Variants in DNAH6 observed in about 807,000 individuals in gnomAD.
DNAH6 encodes the protein axonemal beta dynein heavy chain 6.
A neutral mutation model predicts 491.4 loss-of-function variants in DNAH6; 340 were observed. The ratio of observed to expected loss-of-function variants is 0.69; its 90% CI spans 0.63 to 0.76. The LOEUF (loss-of-function observed/expected upper bound fraction) is 0.76. Ranked by LOEUF, DNAH6 falls within the 30% of genes least tolerant of loss-of-function variation. DNAH6 has a pLI of 0.00. For missense variants in DNAH6, 4,443 were observed against 4,972.2 expected, an observed-to-expected ratio of 0.89 and a Z score of 3.20; for synonymous variants, 1,603 against 1,686.1, an observed-to-expected ratio of 0.95 and a Z score of 1.21.
At chr2:84,568,586 C>T (rs1681463649) in intron 11 of DNAH6, among the ~76,000 whole-genome samples, 1 of 152,060 alleles carries the variant, frequency 6.6e-6, no homozygotes, top group African/African-American at 2.4e-5. Context: ...GGGAGAACAA[C>T]AGGATAAATA....
intron 18 of DNAH6, among the ~76,000 whole-genome samples, chr2:84,600,114 T>C (rs1183701872): frequency 6.6e-6 from 1 of 152,206 alleles, no homozygotes; most frequent in Non-Finnish European, 1.5e-5. Flanking sequence ...TTGCTGATTT[T>C]CTGCCAGCTT....
intron 64 of DNAH6, chr2:84,777,706 G>C: frequency 1.2e-6 from 1 of 821,682 alleles, no homozygotes; most frequent in Non-Finnish European, 2.2e-6. Context: ...AGCTTAATGG[G>C]TGAACTCCCA....
chr2:84,812,568 C>T, intron 73 of DNAH6, 42 bp downstream of exon 73: 1 of 1,511,816 alleles, frequency 6.6e-7, no homozygotes, highest in Non-Finnish European at 8.9e-7. Context: ...AATCTGATGG[C>T]ATAGTTGGCC....
At chr2:84,508,897 C>T in the DNAH6 span, among the ~76,000 whole-genome samples, 1 of 152,184 alleles carries the variant, frequency 6.6e-6, no homozygotes, top group Non-Finnish European at 1.5e-5. Context: ...TTTCTTAATC[C>T]TGAGTTCTAG....
Position 84,710,383 on chromosome 2 carries a change from C to A in DNAH6, c.9349C>A (p.Arg3117=). Residue 3117 remains arginine (R), a synonymous_variant, in exon 56 of 77, where the codon CGA becomes AGA. Coordinates refer to ENST00000389394, the MANE Select transcript of DNAH6 (RefSeq NM_001370.2). ...CTTACGAATACTCGAGAATTCAATC[C>A]GACTTGGTTTACCTGTCTTACTGGA... ...NFLRILENSI[R]LGLPVLLEEL... is the part of the protein sequence containing the mutation. 1 of 1,551,694 alleles carries A rather than the reference C, an allele frequency of 6.4e-7. No homozygotes were observed. The highest frequency in any genetic ancestry group is 1.2e-5 in the South Asian group (1 of 84,022).
At chr2:84,575,867 G>A (rs1003547486) in intron 12 of DNAH6, among the ~76,000 whole-genome samples, 10 of 152,176 alleles carry the variant, frequency 6.6e-5, no homozygotes, top group African/African-American at 2.2e-4. Flanking sequence ...CTGGGCGACA[G>A]TGCAAGACTC....
intron 21 of DNAH6, among the ~76,000 whole-genome samples, chr2:84,611,068 A>G (rs1449435718): frequency 6.6e-6 from 1 of 152,196 alleles, no homozygotes; most frequent in Non-Finnish European, 1.5e-5. Flanking sequence ...CAGTAATAGC[A>G]GGAGGCATGG....
chr2:84,658,655 T>C (rs1691205762), intron 36 of DNAH6, among the ~76,000 whole-genome samples, 181 bp downstream of exon 36: 1 of 152,140 alleles, frequency 6.6e-6, no homozygotes, highest in African/African-American at 2.4e-5. Context: ...TTAGCATGTA[T>C]AGTTTATTCC....
chr2:84,528,322 C>T (rs2104444169), intron 3 of DNAH6, among the ~76,000 whole-genome samples: 2 of 152,250 alleles, frequency 1.3e-5, no homozygotes, highest in South Asian at 2.1e-4. Flanking sequence ...ATTCATTGCA[C>T]ATTTAAAGTT....
intron 9 of DNAH6, among the ~76,000 whole-genome samples, chr2:84,551,554 T>C (rs539791840): frequency 6.6e-6 from 1 of 152,270 alleles, no homozygotes; most frequent in Non-Finnish European, 1.5e-5. Flanking sequence ...CTATTATTGA[T>C]CACATTCCCA....
intron 26 of DNAH6, among the ~76,000 whole-genome samples, chr2:84,623,109 G>A (rs1228362194): frequency 6.6e-6 from 1 of 152,162 alleles, no homozygotes; most frequent in Non-Finnish European, 1.5e-5. Flanking sequence ...ATGGATTAAG[G>A]ATTTAAATGT....
chr2:84,787,354 G>C, intron 68 of DNAH6, 52 bp downstream of exon 68: 1 of 1,462,276 alleles, frequency 6.8e-7, no homozygotes, highest in Non-Finnish European at 9.3e-7. Flanking sequence ...CAAAGTTGTT[G>C]GTTTACTCCC....
At chr2:84,697,772 T>A (rs1253278144) in intron 47 of DNAH6, 45 bp downstream of exon 47, 1 of 1,547,958 alleles carries the variant, frequency 6.5e-7, no homozygotes, top group Non-Finnish European at 8.7e-7. Flanking sequence ...ACAAAAACGT[T>A]TCTTCACCTT....
chr2:84,731,815 A>G (rs1211375857), intron 61 of DNAH6, among the ~76,000 whole-genome samples: 1 of 152,226 alleles, frequency 6.6e-6, no homozygotes, highest in East Asian at 1.9e-4. Context: ...CCTGCCAAAG[A>G]CCAGAAGGAA....
chr2:84,650,114 C>G (rs771704185), intron 33 of DNAH6, among the ~76,000 whole-genome samples: 1 of 151,044 alleles, frequency 6.6e-6, no homozygotes, highest in Non-Finnish European at 1.5e-5. Flanking sequence ...TATGTTGTAT[C>G]TTCATATGGA....
intron 18 of DNAH6, 143 bp from the exon 19 acceptor site, chr2:84,604,196 G>A: frequency 3.1e-6 from 2 of 645,208 alleles, no homozygotes; most frequent in East Asian, 2.7e-5. Flanking sequence ...TCATTAATTT[G>A]CAGTCATCCA....
At chr2:84,552,048 CAA>C (rs34353031) in intron 9 of DNAH6, among the ~76,000 whole-genome samples, 26 of 70,756 alleles carry the variant, frequency 3.7e-4, no homozygotes, top group East Asian at 5.5e-4. Flanking sequence ...AACTCCGTCT[CAA>C]AAAAAAAAAA....
chr2:84,732,343 A>G (rs34629660), intron 61 of DNAH6, among the ~76,000 whole-genome samples: 1,964 of 152,320 alleles, frequency 0.013, 23 homozygotes, highest in Non-Finnish European at 0.021. Context: ...ACAAATATTC[A>G]TAACAGCATT....
At chr2:84,498,945 T>C in the DNAH6 span, among the ~76,000 whole-genome samples, 9 of 152,224 alleles carry the variant, frequency 5.9e-5, no homozygotes, top group Non-Finnish European at 1.0e-4. Context: ...TAGGTACTTA[T>C]ATTTATGGGG....
Sources: allele counts gnomAD v4.1 joint callset (sites outside exome capture counted in the v4.1 genomes callset), GRCh38; gene constraint gnomAD v4.1.1; transcripts MANE v1.5; gene names NCBI Gene and HGNC (gene_info 2026-07-23, HGNC 2026-07-21).